Variants in COBLL1 observed in about 807,000 individuals in gnomAD.
COBLL1 encodes cordon-bleu protein-like 1.
Under a neutral mutation model 94.8 loss-of-function variants are expected in COBLL1, and 50 were observed. The ratio of observed to expected loss-of-function variants is 0.53; its 90% CI spans 0.42 to 0.67. The LOEUF (loss-of-function observed/expected upper bound fraction) is 0.67. Among genes scored for constraint, COBLL1 ranks in the 30% least tolerant of loss-of-function variants. The probability of loss-of-function intolerance (pLI) is 0.00; values close to 1 mark genes in which losing one functional copy is unlikely to be tolerated. For missense variants in COBLL1, 1,362 were observed against 1,348.7 expected (o/e 1.01, Z -0.15); for synonymous variants, 448 against 473.8 (o/e 0.95, Z 0.71).
At chr2:164,663,198 A>C (rs1691099075) in intron 2 of COBLL1, among the ~76,000 whole-genome samples, 1 of 152,194 alleles carries the variant, frequency 6.6e-6, no homozygotes, top group Non-Finnish European at 1.5e-5. Context: ...TTCTTTCTTC[A>C]ATGCACATAC....
chr2:164,673,743 C>T (rs557295469), intron 1 of COBLL1, among the ~76,000 whole-genome samples: 4 of 152,208 alleles, frequency 2.6e-5, no homozygotes, highest in Non-Finnish European at 4.4e-5. Context: ...AGTTTGTAAG[C>T]CACTTTTACA....
At chr2:164,805,713 T>C (rs1402373203) in intron 2 of COBLL1, among the ~76,000 whole-genome samples, 3 of 152,094 alleles carry the variant, frequency 2.0e-5, no homozygotes, top group Non-Finnish European at 2.9e-5. Context: ...ATACCACAGT[T>C]TGTGTATCCA....
downstream of COBLL1, among the ~76,000 whole-genome samples, chr2:164,676,418 G>A (rs922335896): frequency 6.6e-6 from 1 of 152,092 alleles, no homozygotes; most frequent in African/African-American, 2.4e-5. Flanking sequence ...TCAATTCCCA[G>A]AAAACAGTAA....
intron 2 of COBLL1, among the ~76,000 whole-genome samples, chr2:164,756,650 T>G (rs930994276): frequency 6.6e-6 from 1 of 152,080 alleles, no homozygotes; most frequent in African/African-American, 2.4e-5. Flanking sequence ...GGTGGGGACA[T>G]GTGGGCGATA....
chr2:164,672,495 G>A (rs1337212357), intron 1 of COBLL1, among the ~76,000 whole-genome samples: 2 of 151,386 alleles, frequency 1.3e-5, no homozygotes, highest in African/African-American at 4.9e-5. Context: ...TCAGGAGATC[G>A]AGACCATCCT....
chr2:164,666,302 T>C (rs1691157868), intron 1 of COBLL1, among the ~76,000 whole-genome samples: 2 of 152,138 alleles, frequency 1.3e-5, no homozygotes, highest in Non-Finnish European at 2.9e-5. Context: ...TATACTATAG[T>C]CTAGTAATTG....
At chr2:164,792,138 T>C (rs1440989137) in intron 2 of COBLL1, among the ~76,000 whole-genome samples, 1 of 151,878 alleles carries the variant, frequency 6.6e-6, no homozygotes, top group East Asian at 1.9e-4. Flanking sequence ...TTACTATTAT[T>C]ATCATTTTGA....
rs189614382 is a variant in COBLL1 at position 164,736,312 on chromosome 2, C to G, written c.231-6197G>C. Among the ~76,000 whole-genome samples the G allele has an allele frequency of 9.9e-5, 15 of 152,244 alleles. No individual in the cohort carries two copies. The East Asian group carries it at 1.9e-3, about 20-fold the overall frequency. ...GTTCAGGAATGAAGCAGTGCTCTCT[C>G]TGTGTGTGCAAGAAATGAAATGTAC... On this transcript the variant is annotated intron_variant, in intron 3 of 13. Transcript: ENST00000652658.
intron 1 of COBLL1, among the ~76,000 whole-genome samples, chr2:164,667,295 C>T (rs1008746507): frequency 6.6e-6 from 1 of 152,038 alleles, no homozygotes; most frequent in African/African-American, 2.4e-5. Flanking sequence ...TGAGCACAGG[C>T]ACAGTAGATA....
chr2:164,795,871 TAC>T lies in COBLL1; in HGVS notation c.41+45283_41+45284del, dbSNP rs372128120. Among the ~76,000 whole-genome samples, 65 of 152,302 alleles carry T rather than the reference TAC, an allele frequency of 4.3e-4. No homozygotes were observed. The East Asian group carries it at 0.011, about 25-fold the overall frequency. On this transcript the variant is annotated intron_variant, in intron 2 of 13. Coordinates refer to ENST00000652658, the MANE Select transcript of COBLL1 (RefSeq NM_001365672.2). ...ACTAAAAAATTATGATTCTTTGATA[TAC>T]AGTGAATCAAACATAAGAAGCAGAA...
chr2:164,717,948 C>G (rs146933323), intron 7 of COBLL1, among the ~76,000 whole-genome samples: 1 of 152,100 alleles, frequency 6.6e-6, no homozygotes, highest in African/African-American at 2.4e-5. Context: ...CTTAAGTTTT[C>G]AATATAACCT....
In COBLL1 at chr2:164,841,451, G is replaced by C. The variant is rs1329249088; in HGVS notation, c.-50-205C>G. ...AAGGTCTAGCGGGCGCCCAGAGCAC[G>C]GCGGAGGAGGCGGTGGCGCTGCAGC... On this transcript the variant is annotated intron_variant, in intron 1 of 13. Transcript: ENST00000652658. The surrounding 1 kb of genome is among the most constrained non-coding windows in gnomAD (Gnocchi z 5.5). 1.7e-6 allele frequency: 2 copies of C among 1,146,048 alleles called. No homozygotes were observed. The highest frequency in any genetic ancestry group is 4.4e-5 in the East Asian group (1 of 22,942). 71.0% of individuals were successfully genotyped at this position (1,146,048 alleles called of 1,614,324 possible).
chr2:164,706,267 T>G lies in COBLL1; in HGVS notation c.997-1162A>C, dbSNP rs546029369. Among the ~76,000 whole-genome samples, 3 of 152,226 alleles carry G rather than the reference T, an allele frequency of 2.0e-5. No homozygotes were observed. The East Asian group carries it at 5.8e-4, about 29-fold the overall frequency. ...AGCTGACCACCCTCCTAAAATACAT[T>G]ATTTTTCTTCCAGGAGACCACATTT... On this transcript the variant is annotated intron_variant, in intron 7 of 13. Coordinates refer to ENST00000652658, the MANE Select transcript of COBLL1 (RefSeq NM_001365672.2).
rs1428929937 is a variant in COBLL1, at chr2:164,695,111, T to C, written c.2281A>G (p.Met761Val). The C allele has an allele frequency of 6.2e-7, 1 of 1,613,908 alleles. No individual in the cohort carries two copies. Among genetic ancestry groups the C allele is most frequent in the Admixed American group, 1.7e-5 (1 of 59,992 alleles). ...ETIEYKDDQD[M>V]HALGKKHTHE... Reference sequence around the variant, plus strand: ...GTGTGCTTTTTCCCTAAAGCATGCATGTCCTGATCATCTTTATACTCTATG... The same window carrying C: ...GTGTGCTTTTTCCCTAAAGCATGCACGTCCTGATCATCTTTATACTCTATG... Residue 761 changes from methionine (M) to valine (V), a missense_variant, in exon 12 of 14, where the codon ATG becomes GTG. Transcript: ENST00000652658.
intron 2 of COBLL1, among the ~76,000 whole-genome samples, chr2:164,836,266 C>A (rs1429673372): frequency 2.0e-5 from 3 of 151,958 alleles, no homozygotes; most frequent in Admixed American, 2.0e-4. Context: ...TTACATCATA[C>A]CATACACAGG....
At chr2:164,725,096 T>C (rs1362664546) in intron 5 of COBLL1, 1 of 113,168 alleles carries the variant, frequency 8.8e-6, no homozygotes, top group African/African-American at 3.1e-5. Flanking sequence ...GCATTTACCC[T>C]GCAGGATATA....
downstream of COBLL1, among the ~76,000 whole-genome samples, chr2:164,678,719 G>A (rs145825197): frequency 3.9e-5 from 6 of 152,148 alleles, no homozygotes; most frequent in East Asian, 9.7e-4. Context: ...AATATATAAA[G>A]CACTTCTGAA....
At position 164,780,477 on chromosome 2, in the gene COBLL1, A is replaced by G. The variant is rs966132086; in HGVS notation, c.42-36602T>C. The stretch of plus-strand genomic sequence containing the variant: ...GGCTTCTGGGTCAGTCACATGGAAA[A>G]GTTTTGAGATTTTCATGGCTTTTCT... On this transcript the variant is annotated intron_variant, in intron 2 of 13. Transcript: ENST00000652658. Among the ~76,000 whole-genome samples the G allele has an allele frequency of 1.7e-4, 26 of 152,226 alleles. No homozygotes were observed. In the South Asian group the frequency reaches 3.3e-3, roughly 19 times the overall value.
At chr2:164,658,326 G>C (rs1392477892) in intron 2 of COBLL1, among the ~76,000 whole-genome samples, 1 of 152,110 alleles carries the variant, frequency 6.6e-6, no homozygotes, top group East Asian at 1.9e-4. Flanking sequence ...CTGTTGAACT[G>C]GGGCATAGTA....
Sources: allele counts gnomAD v4.1 joint callset (sites outside exome capture counted in the v4.1 genomes callset), GRCh38; gene constraint gnomAD v4.1.1; non-coding constraint Gnocchi (gnomAD v3.1); transcripts MANE v1.5; gene names NCBI Gene and HGNC (gene_info 2026-07-23, HGNC 2026-07-21).